Variants in GPHN observed in about 807,000 individuals in gnomAD.
GPHN encodes gephyrin.
A neutral mutation model predicts 95.5 loss-of-function variants in GPHN; 17 were observed. The observed-to-expected ratio is 0.18, with a 90% CI of 0.12 to 0.27. GPHN has a LOEUF of 0.27. Ranked by LOEUF, GPHN falls within the 10% of genes least tolerant of loss-of-function variation. The pLI, the probability that GPHN is intolerant of heterozygous loss-of-function variation, is 1.00. For synonymous variants in GPHN, 320 were observed against 322.5 expected, an observed-to-expected ratio of 0.99 and a Z score of 0.08; for missense variants, 660 against 978.1, an observed-to-expected ratio of 0.67 and a Z score of 4.34.
At chr14:67,148,427 C>G (rs181012126) in intron 18 of GPHN, among the ~76,000 whole-genome samples, 18 of 152,060 alleles carry the variant, frequency 1.2e-4, no homozygotes, top group African/African-American at 4.1e-4. Flanking sequence ...TTATTATGCT[C>G]TTTTATATTC....
chr14:67,222,175 T>C, the GPHN span: 1 of 222,594 alleles, frequency 4.5e-6, no homozygotes, highest in Admixed American at 5.5e-5. Context: ...CTTGCTGATA[T>C]ATAACGGGAA....
intron 19 of GPHN, among the ~76,000 whole-genome samples, chr14:67,162,952 A>T (rs1433804128): frequency 6.6e-6 from 1 of 152,186 alleles, no homozygotes; most frequent in Non-Finnish European, 1.5e-5. Context: ...TTGTTACCTT[A>T]TAAGCTTGTT....
chr14:67,401,798 G>A, the GPHN span, among the ~76,000 whole-genome samples: 2 of 152,062 alleles, frequency 1.3e-5, no homozygotes, highest in Non-Finnish European at 2.9e-5. Context: ...GATATAAGAG[G>A]AGAAAAATGC....
chr14:66,966,788 T>G (rs1488785119), intron 9 of GPHN, among the ~76,000 whole-genome samples: 1 of 151,996 alleles, frequency 6.6e-6, no homozygotes, highest in Non-Finnish European at 1.5e-5. Context: ...CTTAATAATA[T>G]GCTGAAATCA....
chr14:66,550,025 T>TA (rs200305065), intron 1 of GPHN, among the ~76,000 whole-genome samples: 1,523 of 152,290 alleles, frequency 0.01, 14 homozygotes, highest in Admixed American at 0.017. Flanking sequence ...CAGATAGAGA[T>TA]ATACAAGGAG....
At chr14:67,301,513 T>C in the GPHN span, 1 of 1,410,832 alleles carries the variant, frequency 7.1e-7, no homozygotes, top group African/African-American at 1.4e-5. Flanking sequence ...CCAGCATTCT[T>C]CTATTTTTTT....
the GPHN span, among the ~76,000 whole-genome samples, chr14:67,322,598 A>G: frequency 1.1e-3 from 166 of 152,306 alleles, no homozygotes; most frequent in Non-Finnish European, 1.7e-3. Flanking sequence ...TTTGTGTTTT[A>G]GTGGACAAAT....
chr14:67,508,231 T>C, the GPHN span, among the ~76,000 whole-genome samples: 1 of 152,034 alleles, frequency 6.6e-6, no homozygotes, highest in Non-Finnish European at 1.5e-5. Context: ...CCAGTTTGAC[T>C]TCTTTCTCCT....
rs573224492 is a variant in GPHN, at chr14:66,933,493, A to G, written c.828+9201A>G. ...TTACCTATTAGAAAGAAAAATTACA[A>G]TTTCCCTCAGCTGGTCACAATCTGA... is the stretch of plus-strand genomic sequence containing the variant. On this transcript the variant is annotated intron_variant, in intron 8 of 22. Coordinates refer to ENST00000478722, the MANE Select transcript of GPHN (RefSeq NM_020806.5). 3.3e-5 allele frequency among the ~76,000 whole-genome samples: 5 copies of G among 152,320 alleles called. No homozygotes were observed. The East Asian group carries it at 9.6e-4, about 29-fold the overall frequency.
intron 2 of GPHN, among the ~76,000 whole-genome samples, chr14:66,685,358 G>A (rs1339998336): frequency 1.3e-5 from 2 of 152,238 alleles, no homozygotes; most frequent in East Asian, 1.9e-4. Flanking sequence ...CTAGTTTACA[G>A]TCCCACCAAC....
the GPHN span, chr14:67,198,957 CTT>C: frequency 1.4e-6 from 1 of 702,480 alleles, no homozygotes; most frequent in Non-Finnish European, 2.6e-6. Flanking sequence ...ACCTCTAACT[CTT>C]AATACATTCG....
the GPHN span, among the ~76,000 whole-genome samples, chr14:67,432,193 C>A: frequency 6.6e-6 from 1 of 152,154 alleles, no homozygotes; most frequent in Non-Finnish European, 1.5e-5. Flanking sequence ...GATATGTTGG[C>A]CCTAAATCAT....
At position 66,916,000 on chromosome 14, in the gene GPHN, C is replaced by A; in HGVS notation, c.390-3C>A. 6.4e-7 allele frequency: 1 copy of A among 1,568,866 alleles called. No homozygotes were observed. The highest frequency in any genetic ancestry group is 8.8e-7 in the Non-Finnish European group (1 of 1,138,750). On this transcript the variant is annotated splice_region_variant and splice_polypyrimidine_tract_variant and intron_variant, in intron 5 of 22. Coordinates refer to ENST00000478722, the MANE Select transcript of GPHN (RefSeq NM_020806.5). ...TGTTCATCTACTTTCTCTTTTCTTT[C>A]AGGCCTGTATGTGGAATCAGAGGGA...
At chr14:67,402,763 C>CT in the GPHN span, among the ~76,000 whole-genome samples, 2 of 152,130 alleles carry the variant, frequency 1.3e-5, no homozygotes, top group Non-Finnish European at 2.9e-5. Context: ...GGATCTCATT[C>CT]TTTTTTATGG....
At chr14:66,803,358 G>A (rs2060427388) in intron 3 of GPHN, among the ~76,000 whole-genome samples, 1 of 152,180 alleles carries the variant, frequency 6.6e-6, no homozygotes, top group South Asian at 2.1e-4. Flanking sequence ...GCCTCTTTTA[G>A]CAATATGAAG....
At chr14:67,574,494 T>C in the GPHN span, 1 of 1,041,770 alleles carries the variant, frequency 9.6e-7, no homozygotes, top group Admixed American at 3.5e-5. This position sits in a 1 kb window ranked among gnomAD's most constrained non-coding sequence, Gnocchi z 4.2. Flanking sequence ...GGTTCCCCCT[T>C]ATACGGGGCT....
At chr14:67,587,037 C>T in the GPHN span, 1 of 1,545,078 alleles carries the variant, frequency 6.5e-7, no homozygotes, top group South Asian at 1.2e-5. Flanking sequence ...CAAGCCAAGG[C>T]TAGTTCAATT....
intron 1 of GPHN, among the ~76,000 whole-genome samples, chr14:66,638,463 C>T (rs1260590210): frequency 6.6e-6 from 1 of 151,990 alleles, no homozygotes; most frequent in Non-Finnish European, 1.5e-5. Context: ...ACGACAACAA[C>T]AACAACAAAC....
At chr14:66,914,063 A>G (rs1264459561) in intron 5 of GPHN, among the ~76,000 whole-genome samples, 1 of 152,130 alleles carries the variant, frequency 6.6e-6, no homozygotes, top group Non-Finnish European at 1.5e-5. Context: ...TAAAAAAAAA[A>G]ATTGATGGGA....
Sources: gnomAD v4.1 joint callset for allele counts (sites outside exome capture counted in the v4.1 genomes callset) on GRCh38, gnomAD v4.1.1 for gene constraint, Gnocchi (gnomAD v3.1) non-coding constraint, MANE v1.5 for transcripts, NCBI Gene and HGNC (gene_info 2026-07-23, HGNC 2026-07-21) for gene names.